Variants in GOLM2 observed in about 807,000 individuals in gnomAD.
GOLM2 encodes protein GOLM2.
Under a neutral mutation model 55.9 loss-of-function variants are expected in GOLM2, and 26 were observed. That is an observed-to-expected ratio of 0.47 (90% CI 0.34 to 0.65). The LOEUF (loss-of-function observed/expected upper bound fraction) is 0.65. GOLM2 is among the 30% of genes least tolerant of loss of function. The pLI, the probability that GOLM2 is intolerant of heterozygous loss-of-function variation, is 0.01. For missense variants in GOLM2, 486 were observed against 531.8 expected (o/e 0.91, Z 0.85); for synonymous variants, 165 against 194.6 (o/e 0.85, Z 1.27).
chr15:44,310,736 A>AC (rs143440621), intron 1 of GOLM2, among the ~76,000 whole-genome samples: 7,809 of 150,994 alleles, frequency 0.052, 318 homozygotes, highest in East Asian at 0.2. Flanking sequence ...AAAAATACAT[A>AC]GGCCAGGCAC....
chr15:44,411,013 CT>C (rs201998296), intron 9 of GOLM2, among the ~76,000 whole-genome samples: 1,839 of 81,272 alleles, frequency 0.023, 11 homozygotes, highest in African/African-American at 0.044. Context: ...GTTTGTTTGA[CT>C]TTTTTTTTTT....
At chr15:44,308,848 G>A (rs1232974715) in intron 1 of GOLM2, among the ~76,000 whole-genome samples, 3 of 152,104 alleles carry the variant, frequency 2.0e-5, no homozygotes, top group Admixed American at 2.0e-4. Context: ...AGAGTCAAAA[G>A]GTACCTACAG....
At chr15:44,330,703 T>C (rs911204053) in intron 3 of GOLM2, among the ~76,000 whole-genome samples, 1 of 152,132 alleles carries the variant, frequency 6.6e-6, no homozygotes, top group African/African-American at 2.4e-5. Context: ...CACTCCAGTC[T>C]GGGCAACAGA....
chr15:44,369,435 TTTTG>T (rs1384426036), intron 6 of GOLM2, among the ~76,000 whole-genome samples: 2 of 151,690 alleles, frequency 1.3e-5, no homozygotes, highest in Non-Finnish European at 2.9e-5. Context: ...GTTCTATAAC[TTTTG>T]TTTATTTATT....
At position 44,397,684 on chromosome 15, in the gene GOLM2, A is replaced by C. The variant is rs554446536; in HGVS notation, c.1073-5203A>C. ...AAATTATATTCTGATAGTTTAACCA[A>C]TCACCTTGAAATTTATGAGTTTTAA... On this transcript the variant is annotated intron_variant, in intron 8 of 9. Coordinates refer to ENST00000299957, the MANE Select transcript of GOLM2 (RefSeq NM_138423.4). Among the ~76,000 whole-genome samples, 20 of 152,170 alleles carry C rather than the reference A, an allele frequency of 1.3e-4. No individual in the cohort carries two copies. In the South Asian group the frequency reaches 4.1e-3, roughly 32 times the overall value.
chr15:44,380,706 C>G, intron 7 of GOLM2, 100 bp from the exon 8 acceptor site: 1 of 531,022 alleles, frequency 1.9e-6, no homozygotes, highest in Non-Finnish European at 2.6e-6. Flanking sequence ...CAATGTTAAA[C>G]AATAGTGTGT....
intron 8 of GOLM2, among the ~76,000 whole-genome samples, chr15:44,394,773 G>A (rs1375433959): frequency 6.6e-6 from 1 of 152,122 alleles, no homozygotes; most frequent in Non-Finnish European, 1.5e-5. Context: ...TACCTTCAGG[G>A]TACTTGAAAT....
At chr15:44,332,527 T>C (rs2079029126) in intron 4 of GOLM2, among the ~76,000 whole-genome samples, 1 of 150,468 alleles carries the variant, frequency 6.6e-6, no homozygotes, top group African/African-American at 2.5e-5. Flanking sequence ...ACCACTGCAC[T>C]CCAGTCTGGG....
chr15:44,300,702 C>A (rs1231764354), intron 1 of GOLM2, among the ~76,000 whole-genome samples: 1 of 152,176 alleles, frequency 6.6e-6, no homozygotes, highest in Non-Finnish European at 1.5e-5. Flanking sequence ...CTAGTCCTTA[C>A]AATTTTTGGT....
At chr15:44,304,581 C>T (rs2078823345) in intron 1 of GOLM2, among the ~76,000 whole-genome samples, 1 of 151,962 alleles carries the variant, frequency 6.6e-6, no homozygotes, top group South Asian at 2.1e-4. Context: ...CTCTCTTTCT[C>T]TCTTACTCAG....
chr15:44,332,129 G>T (rs2079026528), intron 4 of GOLM2, 51 bp downstream of exon 4: 3 of 918,022 alleles, frequency 3.3e-6, no homozygotes, highest in Admixed American at 2.7e-5. Context: ...ATAAATCATG[G>T]TAATTTAGAA....
At chr15:44,354,444 T>TATA (rs1345139159) in intron 6 of GOLM2, among the ~76,000 whole-genome samples, 1 of 151,402 alleles carries the variant, frequency 6.6e-6, no homozygotes, top group Non-Finnish European at 1.5e-5. Context: ...AAACTTAAAG[T>TATA]ATAATAATAA....
At chr15:44,384,134 A>C (rs1366953998) in intron 8 of GOLM2, among the ~76,000 whole-genome samples, 2 of 152,184 alleles carry the variant, frequency 1.3e-5, no homozygotes, top group African/African-American at 4.8e-5. Flanking sequence ...AATTCACCAA[A>C]ATGTACAATT....
intron 7 of GOLM2, among the ~76,000 whole-genome samples, chr15:44,380,095 C>T (rs8031117): frequency 0.014 from 2,063 of 152,234 alleles, 48 homozygotes; most frequent in African/African-American, 0.047. Flanking sequence ...TCAAATTTAT[C>T]TCATAGAGGC....
intron 9 of GOLM2, among the ~76,000 whole-genome samples, chr15:44,404,915 A>G (rs934569486): frequency 6.6e-6 from 1 of 152,126 alleles, no homozygotes; most frequent in South Asian, 2.1e-4. Flanking sequence ...CACTTTCAAT[A>G]TTCTCTAATT....
intron 1 of GOLM2, among the ~76,000 whole-genome samples, chr15:44,314,141 G>T (rs999474241): frequency 1.3e-5 from 2 of 151,840 alleles, no homozygotes; most frequent in African/African-American, 4.8e-5. Flanking sequence ...GGAGGCTGAG[G>T]CAGGAGAATG....
rs150577938 is a variant in GOLM2, at chr15:44,376,751, G to T, written c.803-2939G>T. Among the ~76,000 whole-genome samples the T allele has an allele frequency of 6.6e-4, 100 of 152,104 alleles. 1 individual carries two copies. In the East Asian group the frequency reaches 0.019, roughly 28 times the overall value. The stretch of plus-strand genomic sequence containing the variant: ...TCTAGATCATCGTTTGTTTCAGTAC[G>T]ACTAACTATAATAATTACCTCTTTT... On this transcript the variant is annotated intron_variant, in intron 6 of 9. Coordinates refer to ENST00000299957, the MANE Select transcript of GOLM2 (RefSeq NM_138423.4).
chr15:44,398,211 G>A (rs2079540212), intron 8 of GOLM2, among the ~76,000 whole-genome samples: 1 of 152,268 alleles, frequency 6.6e-6, no homozygotes, highest in South Asian at 2.1e-4. Context: ...TTCTAGAGCA[G>A]TGTGCAATAG....
chr15:44,311,833 A>G (rs2078877419), intron 1 of GOLM2, among the ~76,000 whole-genome samples: 1 of 152,048 alleles, frequency 6.6e-6, no homozygotes, highest in Non-Finnish European at 1.5e-5. Flanking sequence ...TATTTTTAGT[A>G]TAGATGGGGT....
Sources: allele counts gnomAD v4.1 joint callset (sites outside exome capture counted in the v4.1 genomes callset), GRCh38; gene constraint gnomAD v4.1.1; transcripts MANE v1.5; gene names NCBI Gene and HGNC (gene_info 2026-07-23, HGNC 2026-07-21).